SEPTIN2: variants seen among roughly 807,000 people sequenced by gnomAD.
The protein encoded by SEPTIN2 is septin 2, also known as septin-2.
SEPTIN2 carries 34 observed loss-of-function variants against 46.5 expected under a neutral mutation model. That is an observed-to-expected ratio of 0.73 (90% CI 0.56 to 0.97). The LOEUF (loss-of-function observed/expected upper bound fraction) is 0.97. Ranked by LOEUF, SEPTIN2 falls within the 50% of genes least tolerant of loss-of-function variation. The pLI, the probability that SEPTIN2 is intolerant of heterozygous loss-of-function variation, is 0.00. For missense variants in SEPTIN2, 347 were observed against 448.4 expected, an observed-to-expected ratio of 0.77 and a Z score of 2.04; for synonymous variants, 175 against 153.4, an observed-to-expected ratio of 1.14 and a Z score of -1.04.
chr2:241,317,530 T>C, intron 1 of SEPTIN2: 2 of 981,764 alleles, frequency 2.0e-6, no homozygotes, highest in East Asian at 1.1e-4. Flanking sequence ...GAAGAAGTTG[T>C]GGGTATTTTT....
intron 12 of SEPTIN2, chr2:241,351,744 A>G (rs1192365039): frequency 6.6e-6 from 1 of 152,110 alleles, no homozygotes; most frequent in Non-Finnish European, 1.5e-5. Context: ...TTACTTTTAG[A>G]TCGATAAAAT....
At chr2:241,338,815 T>A (rs1283445080) in intron 7 of SEPTIN2, among the ~76,000 whole-genome samples, 1 of 106,816 alleles carries the variant, frequency 9.4e-6, no homozygotes, top group Non-Finnish European at 1.7e-5. Context: ...ATTATATTTA[T>A]ATTATTTATA....
chr2:241,332,055 A>G (rs1028043015), intron 3 of SEPTIN2, among the ~76,000 whole-genome samples: 3 of 152,258 alleles, frequency 2.0e-5, no homozygotes, highest in Non-Finnish European at 4.4e-5. Context: ...TTCACACTGT[A>G]TATCACAACC....
Position 241,352,752 on chromosome 2 carries a change from T to C in SEPTIN2, c.*815T>C, listed in dbSNP as rs951909091. On this transcript the variant is annotated 3_prime_UTR_variant, in exon 13 of 13. Coordinates refer to ENST00000391971, the MANE Select transcript of SEPTIN2 (RefSeq NM_004404.5). The stretch of plus-strand genomic sequence containing the variant: ...GCAGTCATAAGCTCCAGTTTTCGTA[T>C]TGCAAATAAGACTCTTACCTACAAA... 4 of 152,230 alleles carry C rather than the reference T, an allele frequency of 2.6e-5. No individual in the cohort carries two copies. The highest frequency in any genetic ancestry group is 9.6e-5 in the African/African-American group (4 of 41,454). The allele number at this position is 152,230 out of a possible 1,614,324, so 9.4% of individuals were successfully genotyped here. A position where few individuals can be genotyped will look rare whatever the true frequency, so the allele number is the denominator to read the frequency against.
intron 3 of SEPTIN2, among the ~76,000 whole-genome samples, chr2:241,329,189 G>A (rs1391288780): frequency 5.3e-5 from 8 of 151,128 alleles, no homozygotes; most frequent in African/African-American, 1.9e-4. Context: ...GCAGTGGCAC[G>A]ATCTTGGCTC....
chr2:241,336,289 T>C (rs1465621188), intron 5 of SEPTIN2, 191 bp downstream of exon 5: 1 of 607,084 alleles, frequency 1.6e-6, no homozygotes, highest in African/African-American at 1.9e-5. Flanking sequence ...TTTCTGGTAC[T>C]CTACTGTAAT....
intron 9 of SEPTIN2, among the ~76,000 whole-genome samples, chr2:241,344,530 G>A (rs192556803): frequency 5.9e-5 from 9 of 151,808 alleles, no homozygotes; most frequent in Admixed American, 2.6e-4. Flanking sequence ...AACCCCATCT[G>A]TACTTAAAGT....
intron 3 of SEPTIN2, among the ~76,000 whole-genome samples, chr2:241,333,015 AATCTTT>A (rs1308844124): frequency 1.3e-4 from 20 of 152,298 alleles, no homozygotes; most frequent in African/African-American, 4.8e-4. Flanking sequence ...TTATGAAAAT[AATCTTT>A]ATCTTGAGTG....
intron 3 of SEPTIN2, among the ~76,000 whole-genome samples, chr2:241,329,866 G>A (rs1056562330): frequency 6.6e-6 from 1 of 152,252 alleles, no homozygotes; most frequent in Admixed American, 6.5e-5. Flanking sequence ...ATAAGGAAGA[G>A]CAACAGGCTA....
intron 2 of SEPTIN2, 42 bp from the exon 3 acceptor site, chr2:241,325,951 C>G (rs745380942): frequency 5.7e-6 from 9 of 1,575,710 alleles, no homozygotes; most frequent in Middle Eastern, 1.7e-4. Flanking sequence ...AAAGCAACTA[C>G]TAAGGTGTTT....
At chr2:241,326,214 G>GACTCT in intron 3 of SEPTIN2, 101 bp downstream of exon 3, 4 of 1,166,074 alleles carry the variant, frequency 3.4e-6, no homozygotes, top group Non-Finnish European at 4.6e-6. Flanking sequence ...AGGAAAATTT[G>GACTCT]GCAGAGTCAA....
intron 3 of SEPTIN2, among the ~76,000 whole-genome samples, chr2:241,326,857 G>A (rs192487157): frequency 6.6e-6 from 1 of 152,184 alleles, no homozygotes; most frequent in African/African-American, 2.4e-5. Flanking sequence ...GGGAGGCCGA[G>A]GCAGGCAGGA....
intron 3 of SEPTIN2, among the ~76,000 whole-genome samples, chr2:241,328,500 G>A (rs1162642959): frequency 6.6e-6 from 1 of 152,176 alleles, no homozygotes; most frequent in Admixed American, 6.5e-5. Context: ...ATCTTGGGAG[G>A]CTGAGGTGGG....
chr2:241,335,545 A>G, intron 4 of SEPTIN2: 3 of 631,826 alleles, frequency 4.7e-6, no homozygotes, highest in South Asian at 2.0e-5. Flanking sequence ...TTACTAGGAT[A>G]GATGTTCGAA....
At chr2:241,317,225 C>T (rs2076470828) in intron 1 of SEPTIN2, among the ~76,000 whole-genome samples, 1 of 152,128 alleles carries the variant, frequency 6.6e-6, no homozygotes, top group Admixed American at 6.5e-5. Flanking sequence ...TTTGCACCAC[C>T]CAGCATCCTA....
rs80136821 is a variant in SEPTIN2, at chr2:241,316,453, A to G, written c.-18+471A>G. 1.2e-3 allele frequency: 1,773 copies of G among 1,466,064 alleles called. 1 individual carries two copies. Among genetic ancestry groups the G allele is most frequent in the Non-Finnish European group, 1.5e-3 (1,633 of 1,105,614 alleles). The allele number at this position is 1,466,064 out of a possible 1,614,324, so 90.8% of individuals were successfully genotyped here. A position where few individuals can be genotyped will look rare whatever the true frequency, so the allele number is the denominator to read the frequency against. On this transcript the variant is annotated intron_variant, in intron 1 of 12. Coordinates refer to ENST00000391971, the MANE Select transcript of SEPTIN2 (RefSeq NM_004404.5). Reference sequence around the variant, plus strand: ...AGGACTGGCCAGCCCCCAAACCTCCAAGCCCATCGGCTGGATGCCGTGGAT... The same window carrying G: ...AGGACTGGCCAGCCCCCAAACCTCCGAGCCCATCGGCTGGATGCCGTGGAT...
At chr2:241,341,310 A>G (rs577304404) in intron 7 of SEPTIN2, among the ~76,000 whole-genome samples, 5 of 152,304 alleles carry the variant, frequency 3.3e-5, no homozygotes, top group African/African-American at 9.6e-5. Context: ...TGGTCCCACA[A>G]TTCTTGAAAT....
intron 7 of SEPTIN2, among the ~76,000 whole-genome samples, chr2:241,340,387 A>G (rs1374433436): frequency 6.6e-6 from 1 of 151,886 alleles, no homozygotes; most frequent in Non-Finnish European, 1.5e-5. Flanking sequence ...ACCTGGTTTG[A>G]CTTTCATTTT....
At chr2:241,316,496 C>CT in intron 1 of SEPTIN2, 1 of 1,523,940 alleles carries the variant, frequency 6.6e-7, no homozygotes, top group Non-Finnish European at 8.8e-7. Context: ...GGGAGAGCGA[C>CT]TAGGCCCTGT....
Sources: gnomAD v4.1 joint callset for allele counts (sites outside exome capture counted in the v4.1 genomes callset) on GRCh38, gnomAD v4.1.1 for gene constraint, MANE v1.5 for transcripts, NCBI Gene and HGNC (gene_info 2026-07-23, HGNC 2026-07-21) for gene names.